The following ZDHHC5 variants were observed in gnomAD, a reference collection of about 807,000 sequenced individuals.
The protein encoded by ZDHHC5 is zDHHC palmitoyltransferase 5, also known as palmitoyltransferase ZDHHC5.
In ZDHHC5, 22 loss-of-function variants were observed where a neutral mutation model predicts 70.0. The observed-to-expected ratio is 0.31, with a 90% CI of 0.22 to 0.45. The LOEUF is 0.45. ZDHHC5 is among the 20% of genes least tolerant of loss of function. The probability of loss-of-function intolerance (pLI) is 1.00; values close to 1 mark genes in which losing one functional copy is unlikely to be tolerated. For missense variants in ZDHHC5, 746 were observed against 926.9 expected (o/e 0.80, Z 2.53); for synonymous variants, 313 against 347.8 (o/e 0.90, Z 1.11).
rs1946023370 is a variant in ZDHHC5 at position 57,672,818 on chromosome 11, G to C, written c.-273G>C. The C allele has an allele frequency of 7.3e-6, 3 of 409,512 alleles. No homozygotes were observed. Among genetic ancestry groups the C allele is most frequent in the South Asian group, 7.2e-5 (3 of 41,662 alleles). 25.4% of individuals were successfully genotyped at this position (409,512 alleles called of 1,614,324 possible). On this transcript the variant is annotated 5_prime_UTR_variant, in exon 2 of 12. Coordinates refer to ENST00000287169, the MANE Select transcript of ZDHHC5 (RefSeq NM_015457.3). ...TGTCTCCAGTTTTTAAACTGTACAA[G>C]TTGTGTTTCTTAATCTTCCCTTCTG...
intron 2 of ZDHHC5, among the ~76,000 whole-genome samples, chr11:57,677,573 C>G (rs1179360549): frequency 1.3e-5 from 2 of 152,068 alleles, no homozygotes; most frequent in Non-Finnish European, 2.9e-5. Context: ...AGTCGTGAGC[C>G]ACCGCACCTG....
At chr11:57,669,182 C>T (rs1208666479) in intron 1 of ZDHHC5, among the ~76,000 whole-genome samples, 1 of 152,188 alleles carries the variant, frequency 6.6e-6, no homozygotes, top group Non-Finnish European at 1.5e-5. Context: ...CCACATTAAA[C>T]TTCTTGGCTC....
chr11:57,694,917 C>T (rs1204325353), intron 8 of ZDHHC5, among the ~76,000 whole-genome samples: 6 of 152,002 alleles, frequency 3.9e-5, no homozygotes, highest in Admixed American at 3.9e-4. Flanking sequence ...TCAAGACCAG[C>T]CTGGACAACA....
At chr11:57,671,779 C>T (rs1443733585) in intron 1 of ZDHHC5, among the ~76,000 whole-genome samples, 2 of 152,288 alleles carry the variant, frequency 1.3e-5, no homozygotes, top group Non-Finnish European at 1.5e-5. Flanking sequence ...AAGAGCTAGT[C>T]CTTTGATGTC....
chr11:57,698,511 T>C, intron 10 of ZDHHC5, 48 bp from the exon 11 acceptor site: 1 of 1,538,106 alleles, frequency 6.5e-7, no homozygotes, highest in Non-Finnish European at 8.7e-7. Context: ...GGGGTCTAGC[T>C]TCTGTCACAA....
chr11:57,686,815 A>G (rs1172671104), intron 3 of ZDHHC5, among the ~76,000 whole-genome samples: 3 of 149,740 alleles, frequency 2.0e-5, no homozygotes, highest in Admixed American at 6.7e-5. Flanking sequence ...TCTGCAGTAT[A>G]TATTTGTGTG....
chr11:57,696,041 A>G lies in ZDHHC5; in HGVS notation c.1007A>G (p.Glu336Gly). Residue 336 changes from glutamate (E) to glycine (G), a missense_variant and splice_region_variant, in exon 9 of 12, where the codon GAG becomes GGG. Around this residue, in one of 6 missense-constraint regions of ZDHHC5, gnomAD observed 179 missense variants for 178.4 expected, o/e 1.00. Coordinates refer to ENST00000287169, the MANE Select transcript of ZDHHC5 (RefSeq NM_015457.3). ...ACACACCTCGGCTTGGCTACTAATG[A>G]GGGTAAGGGCTGCCTTGATTTGCAA... ...LRTHLGLATN[E>G]DSSLLAKDSP... 6.2e-7 allele frequency: 1 copy of G among 1,610,764 alleles called. No individual in the cohort carries two copies.
At position 57,698,639 on chromosome 11, in the gene ZDHHC5, C is replaced by T. The variant is rs540535269; in HGVS notation, c.1203C>T (p.Ser401=). The change falls in exon 11 of 12, where the codon AGC becomes AGT. Residue 401 remains serine (S), a synonymous_variant. Transcript: ENST00000287169. ...SRHPSYRSEP[S]LEPESFRSPT... ...ACCCCAGCTACCGCTCAGAGCCCAG[C>T]TTGGAACCAGAGAGCTTCCGTTCTC... The T allele has an allele frequency of 2.0e-5, 33 of 1,614,186 alleles. No individual in the cohort carries two copies. The Admixed American group carries it at 5.3e-4, about 26-fold the overall frequency.
In ZDHHC5 at chr11:57,699,931, C is replaced by T. The variant is rs764244850; in HGVS notation, c.2048C>T (p.Ala683Val). 3.1e-6 allele frequency: 5 copies of T among 1,614,118 alleles called. No homozygotes were observed. The highest frequency in any genetic ancestry group is 1.7e-5 in the Admixed American group (1 of 60,008). ...GGGCAGCCCAAGAGCTTAGGCTCAG[C>T]CTCCCCTGGCCCAGGCCAGCCACCT... The part of the protein sequence containing the change: ...SNGQPKSLGS[A>V]SPGPGQPPLS... The change falls in exon 12 of 12, where the codon GCC becomes GTC. Residue 683 changes from alanine to valine, a missense_variant. Transcript: ENST00000287169.
At chr11:57,677,325 T>TCA (rs1008002077) in intron 2 of ZDHHC5, among the ~76,000 whole-genome samples, 4 of 136,840 alleles carry the variant, frequency 2.9e-5, no homozygotes, top group African/African-American at 1.1e-4. Flanking sequence ...CTTACTCTGT[T>TCA]GCCCAGGCTG....
intron 6 of ZDHHC5, among the ~76,000 whole-genome samples, chr11:57,691,462 G>A (rs1160163504): frequency 6.6e-6 from 1 of 152,086 alleles, no homozygotes; most frequent in Non-Finnish European, 1.5e-5. Context: ...CTCCCAAAGT[G>A]CAGGGATTAC....
intron 10 of ZDHHC5, 152 bp from the exon 11 acceptor site, chr11:57,698,407 G>A: frequency 8.8e-7 from 1 of 1,132,336 alleles, no homozygotes; most frequent in South Asian, 1.6e-5. Flanking sequence ...CCTGAATTCA[G>A]TTTTTCTTGA....
chr11:57,697,097 G>A lies in ZDHHC5; in HGVS notation c.1122+224G>A, dbSNP rs561973265. On this transcript the variant is annotated intron_variant, in intron 10 of 11. Coordinates refer to ENST00000287169, the MANE Select transcript of ZDHHC5 (RefSeq NM_015457.3). The stretch of plus-strand genomic sequence containing the variant: ...TGTAATCCCAGCACTTTGGGAGGCC[G>A]AGACTGGTGGATCACAAGGTCAGGA... 7.9e-5 allele frequency among the ~76,000 whole-genome samples: 12 copies of A among 152,030 alleles called. No individual in the cohort carries two copies. The East Asian group carries it at 1.6e-3, about 20-fold the overall frequency.
chr11:57,689,816 A>G (rs1312712717), intron 4 of ZDHHC5, among the ~76,000 whole-genome samples: 1 of 151,982 alleles, frequency 6.6e-6, no homozygotes, highest in Non-Finnish European at 1.5e-5. Flanking sequence ...AGCTGGGACT[A>G]CAAGTGTGCA....
chr11:57,698,830 A>T lies in ZDHHC5; in HGVS notation c.1394A>T (p.Asn465Ile). 1 of 1,614,192 alleles carries T rather than the reference A, an allele frequency of 6.2e-7. No individual in the cohort carries two copies. Among genetic ancestry groups the T allele is most frequent in the Non-Finnish European group, 8.5e-7 (1 of 1,180,040 alleles). ...AAGAGCCTGGCCAACCAGACACGCA[A>T]TGGAAGCCTATCTTATGACAGCTTG... Reference protein sequence around the residue: ...SYKSLANQTRNGSLSYDSLLT... With the variant: ...SYKSLANQTRIGSLSYDSLLT... Residue 465 changes from asparagine (N) to isoleucine (I), a missense_variant, in exon 11 of 12, where the codon AAT (asparagine) becomes ATT (isoleucine). Physicochemically the swap from Asn to Ile is moderately radical, Grantham distance 149. Coordinates refer to ENST00000287169, the MANE Select transcript of ZDHHC5 (RefSeq NM_015457.3).
chr11:57,696,719 A>G, intron 9 of ZDHHC5, 42 bp from the exon 10 acceptor site: 1 of 1,588,242 alleles, frequency 6.3e-7, no homozygotes, highest in Non-Finnish European at 8.6e-7. Context: ...AAACCAAAAA[A>G]CCGCTTGTAA....
intron 1 of ZDHHC5, among the ~76,000 whole-genome samples, chr11:57,669,022 C>T (rs1392939775): frequency 6.6e-6 from 1 of 152,240 alleles, no homozygotes. Flanking sequence ...CCAAGTTGAT[C>T]TAACATTTGC....
chr11:57,685,006 G>A (rs770323144), intron 3 of ZDHHC5, among the ~76,000 whole-genome samples: 1 of 152,072 alleles, frequency 6.6e-6, no homozygotes, highest in Non-Finnish European at 1.5e-5. Context: ...AAATTAGCCC[G>A]ACATGGTGGT....
chr11:57,694,914 C>A (rs1946330294), intron 8 of ZDHHC5, among the ~76,000 whole-genome samples: 2 of 151,996 alleles, frequency 1.3e-5, no homozygotes, highest in South Asian at 4.1e-4. Flanking sequence ...AGCTCAAGAC[C>A]AGCCTGGACA....
Sources: gnomAD v4.1 joint callset for allele counts (sites outside exome capture counted in the v4.1 genomes callset) on GRCh38, gnomAD v4.1.1 for gene constraint, gnomAD v4.1.1 regional missense constraint, MANE v1.5 for transcripts, NCBI Gene and HGNC (gene_info 2026-07-23, HGNC 2026-07-21) for gene names.